The following TDRP variants were observed in gnomAD, a reference collection of about 807,000 sequenced individuals.
TDRP encodes testis development related protein.
In TDRP, 12 loss-of-function variants were observed where a neutral mutation model predicts 10.5. That is an observed-to-expected ratio of 1.15 (90% CI 0.73 to 1.86). TDRP has a LOEUF of 1.86. Ranked by LOEUF, TDRP falls within the 40% of genes most tolerant of loss-of-function variation. The pLI is 0.00. For synonymous variants in TDRP, 139 were observed against 95.4 expected (o/e 1.46, Z -2.67); for missense variants, 353 against 229.2 (o/e 1.54, Z -3.49).
At chr8:534,648 T>C (rs73670306) in intron 1 of TDRP, among the ~76,000 whole-genome samples, 4,427 of 152,280 alleles carry the variant, frequency 0.029, 220 homozygotes, top group African/African-American at 0.1. Context: ...CTCAATAGAC[T>C]GCAGGAAAGA....
chr8:521,304 C>A (rs1449167697), intron 1 of TDRP, among the ~76,000 whole-genome samples: 1 of 150,248 alleles, frequency 6.7e-6, no homozygotes, highest in Non-Finnish European at 1.5e-5. Flanking sequence ...GTAGTCCCAG[C>A]TACTTGGGAG....
chr8:533,069 G>A (rs1355710488), intron 1 of TDRP, among the ~76,000 whole-genome samples: 1 of 152,186 alleles, frequency 6.6e-6, no homozygotes, highest in Non-Finnish European at 1.5e-5. Flanking sequence ...ACCCAGGCCT[G>A]CCTCCAGACC....
chr8:495,763 G>T (rs1428104302), intron 1 of TDRP, among the ~76,000 whole-genome samples: 1 of 152,232 alleles, frequency 6.6e-6, no homozygotes, highest in Non-Finnish European at 1.5e-5. Flanking sequence ...CAAGGATAAT[G>T]AATACAATTC....
intron 1 of TDRP, among the ~76,000 whole-genome samples, chr8:525,864 T>C (rs1158029141): frequency 6.6e-6 from 1 of 152,156 alleles, no homozygotes; most frequent in Non-Finnish European, 1.5e-5. Context: ...TCCAATCAGT[T>C]TGAGTACAAT....
At chr8:501,736 C>T (rs140125956) in intron 1 of TDRP, among the ~76,000 whole-genome samples, 2 of 152,320 alleles carry the variant, frequency 1.3e-5, no homozygotes, top group East Asian at 3.9e-4. Flanking sequence ...AATTTCTCAT[C>T]AGGAACACTG....
upstream of TDRP, among the ~76,000 whole-genome samples, chr8:545,345 G>A (rs1240702058): frequency 7.8e-6 from 1 of 128,918 alleles, no homozygotes; most frequent in Non-Finnish European, 1.7e-5. Context: ...CGGTTCCCTG[G>A]GTCCTCCTCT....
intron 1 of TDRP, among the ~76,000 whole-genome samples, chr8:534,393 T>C (rs188052648): frequency 6.6e-6 from 1 of 152,308 alleles, no homozygotes; most frequent in Admixed American, 6.5e-5. Flanking sequence ...TGTGACCTTG[T>C]TTTACATGTA....
chr8:536,255 G>A (rs1040128603), intron 1 of TDRP, among the ~76,000 whole-genome samples: 6 of 152,148 alleles, frequency 3.9e-5, no homozygotes, highest in Admixed American at 6.5e-5. Flanking sequence ...AATTCCACAG[G>A]CCCAAGCAAG....
chr8:505,153 C>A (rs923566617), intron 1 of TDRP, among the ~76,000 whole-genome samples: 1 of 152,166 alleles, frequency 6.6e-6, no homozygotes, highest in African/African-American at 2.4e-5. Context: ...CAAAAATTCT[C>A]AACACTGCCT....
chr8:501,245 C>T (rs888354291), intron 1 of TDRP, among the ~76,000 whole-genome samples: 10 of 152,202 alleles, frequency 6.6e-5, no homozygotes, highest in African/African-American at 9.6e-5. Context: ...GCGTAATGCT[C>T]GGGTCAGCTC....
At chr8:498,967 C>T (rs1801211519) in intron 1 of TDRP, among the ~76,000 whole-genome samples, 1 of 152,084 alleles carries the variant, frequency 6.6e-6, no homozygotes, top group African/African-American at 2.4e-5. Context: ...TTCCTGAGGC[C>T]TCCCCAGCCA....
chr8:528,787 A>G (rs186675626), intron 1 of TDRP, among the ~76,000 whole-genome samples: 3 of 152,236 alleles, frequency 2.0e-5, no homozygotes, highest in African/African-American at 4.8e-5. Context: ...ATATATACAT[A>G]TATTTATTTA....
At chr8:500,606 C>T (rs1288346058) in intron 1 of TDRP, among the ~76,000 whole-genome samples, 3 of 152,326 alleles carry the variant, frequency 2.0e-5, no homozygotes, top group East Asian at 1.9e-4. Flanking sequence ...GTCCAAGATA[C>T]AGTGTCATTT....
At chr8:512,256 T>C (rs952706232) in intron 1 of TDRP, among the ~76,000 whole-genome samples, 1 of 150,934 alleles carries the variant, frequency 6.6e-6, no homozygotes, top group Non-Finnish European at 1.5e-5. Context: ...ACCCCTTCTC[T>C]ACAACAACAA....
chr8:506,167 A>C (rs982687470), intron 1 of TDRP, among the ~76,000 whole-genome samples: 1 of 152,244 alleles, frequency 6.6e-6, no homozygotes, highest in African/African-American at 2.4e-5. Context: ...GAAAATTGAA[A>C]TTATTTAAAC....
rs957670616 is a variant in TDRP, at chr8:491,788, A to G, written c.*611T>C. 52 of 1,282,700 alleles carry G rather than the reference A, an allele frequency of 4.1e-5. No individual in the cohort carries two copies. The highest frequency in any genetic ancestry group is 7.9e-5 in the Admixed American group (2 of 25,234). The allele number at this position is 1,282,700 out of a possible 1,614,324, so 79.5% of individuals were successfully genotyped here. A position where few individuals can be genotyped will look rare whatever the true frequency, so the allele number is the denominator to read the frequency against. ...CACTGTTACTATCCAGTGGACATAC[A>G]AGAAGCTATTCCTCCCTCAGCAAAA... On this transcript the variant is annotated 3_prime_UTR_variant, in exon 3 of 3. Transcript: ENST00000324079.
At chr8:527,195 G>A (rs1196366600) in intron 1 of TDRP, among the ~76,000 whole-genome samples, 2 of 151,994 alleles carry the variant, frequency 1.3e-5, no homozygotes, top group Admixed American at 1.3e-4. Context: ...AAATACCTAA[G>A]AAGTAACTGA....
upstream of TDRP, among the ~76,000 whole-genome samples, chr8:545,412 C>T (rs546617135): frequency 4.1e-3 from 583 of 143,576 alleles, 1 homozygote; most frequent in Non-Finnish European, 6.7e-3. Flanking sequence ...CTCTCCTTCT[C>T]CCCCGCCGAC....
intron 1 of TDRP, among the ~76,000 whole-genome samples, chr8:513,686 A>G (rs180677308): frequency 1.9e-4 from 29 of 152,358 alleles, no homozygotes; most frequent in Non-Finnish European, 7.3e-5. Context: ...ATGCATACAG[A>G]AAGGAAACAA....
Sources: gnomAD v4.1 joint callset for allele counts (sites outside exome capture counted in the v4.1 genomes callset) on GRCh38, gnomAD v4.1.1 for gene constraint, MANE v1.5 for transcripts, NCBI Gene and HGNC (gene_info 2026-07-23, HGNC 2026-07-21) for gene names.